SPAG16: variants seen among roughly 807,000 people sequenced by gnomAD.
The protein encoded by SPAG16 is sperm associated antigen 16.
A neutral mutation model predicts 80.4 loss-of-function variants in SPAG16; 86 were observed. The ratio of observed to expected loss-of-function variants is 1.07; its 90% CI spans 0.90 to 1.28. The LOEUF (loss-of-function observed/expected upper bound fraction) is 1.28, where lower values mean the gene tolerates loss of function less well. Ranked by LOEUF, SPAG16 falls within the 50% of genes most tolerant of loss-of-function variation. SPAG16 has a pLI of 0.00. For synonymous variants in SPAG16, 294 were observed against 265.9 expected, an observed-to-expected ratio of 1.11 and a Z score of -1.03; for missense variants, 870 against 765.3, an observed-to-expected ratio of 1.14 and a Z score of -1.61.
intron 1 of SPAG16, chr2:213,285,801 G>A: frequency 5.0e-6 from 4 of 807,762 alleles, no homozygotes; most frequent in Non-Finnish European, 7.2e-6. Flanking sequence ...CATAAATGAG[G>A]TTTTATACTG....
At chr2:213,526,003 CTT>C (rs1005199435) in intron 10 of SPAG16, among the ~76,000 whole-genome samples, 2 of 152,152 alleles carry the variant, frequency 1.3e-5, no homozygotes, top group Non-Finnish European at 2.9e-5. Flanking sequence ...GAATTAAACA[CTT>C]TTACCTATTT....
chr2:213,575,230 T>C (rs2060082454), intron 10 of SPAG16, among the ~76,000 whole-genome samples: 1 of 152,200 alleles, frequency 6.6e-6, no homozygotes, highest in East Asian at 1.9e-4. Flanking sequence ...TTCATACTTA[T>C]ATTCAGAGTT....
chr2:213,787,108 T>A (rs572669970), intron 10 of SPAG16, among the ~76,000 whole-genome samples: 5 of 152,256 alleles, frequency 3.3e-5, no homozygotes, highest in African/African-American at 1.2e-4. Flanking sequence ...AAATAGCTAA[T>A]GTATGCTGGG....
intron 4 of SPAG16, among the ~76,000 whole-genome samples, chr2:213,311,599 A>C: frequency 6.6e-6 from 1 of 151,722 alleles, no homozygotes; most frequent in East Asian, 1.9e-4. Flanking sequence ...GTCATAAGAT[A>C]AAATTGGTAT....
chr2:214,217,446 T>C (rs1438214559), intron 15 of SPAG16, among the ~76,000 whole-genome samples: 2 of 152,242 alleles, frequency 1.3e-5, no homozygotes, highest in Non-Finnish European at 2.9e-5. Context: ...CTGACTATGT[T>C]ATGCCGATGC....
intron 10 of SPAG16, among the ~76,000 whole-genome samples, chr2:213,850,725 C>A (rs1045858134): frequency 1.3e-5 from 2 of 151,622 alleles, no homozygotes; most frequent in Non-Finnish European, 2.9e-5. Flanking sequence ...GTAGAAAATG[C>A]GATGGGAGAC....
chr2:213,986,811 A>C (rs961668365), intron 12 of SPAG16, among the ~76,000 whole-genome samples: 2 of 150,454 alleles, frequency 1.3e-5, no homozygotes, highest in Non-Finnish European at 3.0e-5. Context: ...TTAATAAAAC[A>C]TAGTGTAAGT....
Position 213,574,938 on chromosome 2 carries a change from C to T in SPAG16, c.1070+84848C>T, listed in dbSNP as rs545475222. Among the ~76,000 whole-genome samples, 11 of 152,018 alleles carry T rather than the reference C, an allele frequency of 7.2e-5. No individual in the cohort carries two copies. The South Asian group carries it at 1.9e-3, about 26-fold the overall frequency. ...GCAGTTTGCCTTCCCATTTGATCACCGAGGACAATGTATGGTCAATTTCTA... is the reference window on the plus strand; with the variant it reads ...GCAGTTTGCCTTCCCATTTGATCACTGAGGACAATGTATGGTCAATTTCTA... On this transcript the variant is annotated intron_variant, in intron 10 of 15. Coordinates refer to ENST00000331683, the MANE Select transcript of SPAG16 (RefSeq NM_024532.5).
intron 9 of SPAG16, among the ~76,000 whole-genome samples, chr2:213,447,932 A>G (rs550072709): frequency 2.0e-5 from 3 of 152,244 alleles, no homozygotes; most frequent in African/African-American, 7.2e-5. Flanking sequence ...GTTAAAACAA[A>G]TTCTCAAAAG....
chr2:213,678,752 A>T (rs953743472), intron 10 of SPAG16, among the ~76,000 whole-genome samples: 1 of 152,118 alleles, frequency 6.6e-6, no homozygotes, highest in Non-Finnish European at 1.5e-5. Flanking sequence ...GTTTTCTGCT[A>T]TCTGTGGAAG....
chr2:214,096,602 CTT>C (rs2052608797), intron 13 of SPAG16, among the ~76,000 whole-genome samples: 1 of 151,992 alleles, frequency 6.6e-6, no homozygotes, highest in African/African-American at 2.4e-5. Flanking sequence ...TGCATGAAAG[CTT>C]TTTCTCTTTC....
intron 10 of SPAG16, among the ~76,000 whole-genome samples, chr2:213,598,914 T>C (rs979713751): frequency 1.3e-5 from 2 of 152,158 alleles, no homozygotes; most frequent in African/African-American, 4.8e-5. Context: ...TAGTTACTTA[T>C]TGCCTTTGAA....
At chr2:213,302,622 G>GGTGTGTGTGT (rs778369117) in intron 3 of SPAG16, 92 of 64,950 alleles carry the variant, frequency 1.4e-3, no homozygotes, top group African/African-American at 5.0e-3. Context: ...GCTTGGAAGG[G>GGTGTGTGTGT]GTGTGTGTGT....
chr2:213,363,219 GTAC>G (rs1158423091), intron 7 of SPAG16, among the ~76,000 whole-genome samples: 4 of 152,058 alleles, frequency 2.6e-5, no homozygotes, highest in African/African-American at 9.7e-5. Flanking sequence ...GGAATTCTCA[GTAC>G]TACATTAGCA....
chr2:213,966,704 A>C (rs942077285), intron 12 of SPAG16, among the ~76,000 whole-genome samples: 1 of 152,146 alleles, frequency 6.6e-6, no homozygotes, highest in Non-Finnish European at 1.5e-5. Context: ...AAAAATAGTG[A>C]TGCCTTTTTT....
At chr2:214,307,295 C>T (rs1220826588) in intron 15 of SPAG16, among the ~76,000 whole-genome samples, 1 of 151,832 alleles carries the variant, frequency 6.6e-6, no homozygotes, top group Non-Finnish European at 1.5e-5. Context: ...ATTAGTCTAG[C>T]TAGCAGTCTA....
chr2:214,029,334 G>A (rs1188855839), intron 13 of SPAG16, among the ~76,000 whole-genome samples: 2 of 151,822 alleles, frequency 1.3e-5, no homozygotes, highest in African/African-American at 4.8e-5. Context: ...AGAGAGTGTT[G>A]GTGGGTAGGA....
chr2:213,897,849 G>A (rs2077057219), intron 11 of SPAG16, among the ~76,000 whole-genome samples: 1 of 152,124 alleles, frequency 6.6e-6, no homozygotes, highest in Non-Finnish European at 1.5e-5. Context: ...CTGCAAGAAA[G>A]GACTGACTTC....
rs374474054 is a variant in SPAG16, at chr2:214,179,829, A to G, written c.1720+30563A>G. On this transcript the variant is annotated intron_variant, in intron 15 of 15. Transcript: ENST00000331683. ...TTAAATTTAAATTTAATTTCAAATC[A>G]TACTGAACATTATGAGTGGAAAATA... Among the ~76,000 whole-genome samples, 10 of 151,656 alleles carry G rather than the reference A, an allele frequency of 6.6e-5. 1 individual carries two copies. The highest frequency in any genetic ancestry group is 2.4e-4 in the African/African-American group (10 of 41,506).
Sources: allele counts gnomAD v4.1 joint callset (sites outside exome capture counted in the v4.1 genomes callset), GRCh38; gene constraint gnomAD v4.1.1; transcripts MANE v1.5; gene names NCBI Gene and HGNC (gene_info 2026-07-23, HGNC 2026-07-21).